The following TTC8 variants were observed in gnomAD, a reference collection of about 807,000 sequenced individuals.
TTC8 encodes tetratricopeptide repeat protein 8.
A neutral mutation model predicts 72.5 loss-of-function variants in TTC8; 47 were observed. The observed-to-expected ratio is 0.65, with a 90% CI of 0.51 to 0.83. The LOEUF (loss-of-function observed/expected upper bound fraction) is 0.83, where lower values mean the gene tolerates loss of function less well. Ranked by LOEUF, TTC8 falls within the 40% of genes least tolerant of loss-of-function variation. The pLI is 0.00. For missense variants in TTC8, 611 were observed against 623.2 expected, an observed-to-expected ratio of 0.98 and a Z score of 0.21; for synonymous variants, 199 against 221.4, an observed-to-expected ratio of 0.90 and a Z score of 0.90.
At chr14:88,854,374 T>C (rs1467475974) in intron 8 of TTC8, among the ~76,000 whole-genome samples, 2 of 152,236 alleles carry the variant, frequency 1.3e-5, no homozygotes, top group Non-Finnish European at 1.5e-5. Context: ...CTTTCACTTA[T>C]ACATTCATTC....
intron 10 of TTC8, among the ~76,000 whole-genome samples, chr14:88,861,983 G>T (rs988238354): frequency 2.0e-5 from 3 of 151,976 alleles, no homozygotes; most frequent in African/African-American, 7.3e-5. Flanking sequence ...CCTTTCTTTT[G>T]GGTATATATT....
At chr14:88,828,199 A>G (rs947843366) in intron 1 of TTC8, among the ~76,000 whole-genome samples, 1 of 70,158 alleles carries the variant, frequency 1.4e-5, no homozygotes, top group African/African-American at 4.5e-5. Context: ...TTAAAAATCA[A>G]TTTTTAAAAT....
intron 6 of TTC8, among the ~76,000 whole-genome samples, chr14:88,842,966 GA>G (rs1198741930): frequency 6.6e-6 from 1 of 151,174 alleles, no homozygotes; most frequent in Non-Finnish European, 1.5e-5. Flanking sequence ...TTTTTTTAAA[GA>G]AAGGCCTTGT....
intron 10 of TTC8, among the ~76,000 whole-genome samples, chr14:88,863,465 C>G (rs989881449): frequency 2.0e-5 from 3 of 152,176 alleles, no homozygotes; most frequent in African/African-American, 7.2e-5. Flanking sequence ...CAGGGAAGCT[C>G]ATTAGAGACT....
At chr14:88,824,996 G>A (rs1260162104) in intron 1 of TTC8, among the ~76,000 whole-genome samples, 175 bp downstream of exon 1, 1 of 152,164 alleles carries the variant, frequency 6.6e-6, no homozygotes, top group East Asian at 1.9e-4. Flanking sequence ...CGGGTCCGCT[G>A]TCCGCCACGT....
At chr14:88,867,468 C>T (rs1246196039) in intron 10 of TTC8, among the ~76,000 whole-genome samples, 2 of 152,084 alleles carry the variant, frequency 1.3e-5, no homozygotes, top group Non-Finnish European at 2.9e-5. Flanking sequence ...TTAAAATATG[C>T]ACACCCATAT....
intron 6 of TTC8, among the ~76,000 whole-genome samples, chr14:88,843,517 G>C (rs1252508502): frequency 6.6e-6 from 1 of 151,964 alleles, no homozygotes; most frequent in Non-Finnish European, 1.5e-5. Context: ...ATAAAGAATT[G>C]TCTGCATCTG....
chr14:88,877,518 C>A lies in TTC8; in HGVS notation c.*108C>A. 2 of 913,154 alleles carry A rather than the reference C, an allele frequency of 2.2e-6. No individual in the cohort carries two copies. Among genetic ancestry groups the A allele is most frequent in the South Asian group, 1.3e-5 (1 of 74,838 alleles). The allele number at this position is 913,154 out of a possible 1,614,324, so 56.6% of individuals were successfully genotyped here. On this transcript the variant is annotated 3_prime_UTR_variant, in exon 15 of 15. Transcript: ENST00000380656. ...AGTGTAATACGTATATTTTAACAAACCTGTCCTTGATATTAGTTAAGGTGA... is the reference window on the plus strand; with the variant it reads ...AGTGTAATACGTATATTTTAACAAAACTGTCCTTGATATTAGTTAAGGTGA...
At chr14:88,830,944 T>A (rs2094722744) in intron 1 of TTC8, 2 of 455,920 alleles carry the variant, frequency 4.4e-6, no homozygotes, top group Admixed American at 4.7e-5. Flanking sequence ...CGGTAGTCTG[T>A]GTTCCATCCT....
rs1359445926 is a variant in TTC8 at position 88,848,584 on chromosome 14, G to A, written c.625-4387G>A. ...ATGTTTAACAATAGGGAATGAGTTTGGTAAATTATAATAAATAGCATGATG... is the reference window on the plus strand; with the variant it reads ...ATGTTTAACAATAGGGAATGAGTTTAGTAAATTATAATAAATAGCATGATG... On this transcript the variant is annotated intron_variant, in intron 7 of 14. Coordinates refer to ENST00000380656, the MANE Select transcript of TTC8 (RefSeq NM_144596.4). 2.0e-5 allele frequency among the ~76,000 whole-genome samples: 3 copies of A among 152,094 alleles called. No individual in the cohort carries two copies. The East Asian group carries it at 5.8e-4, about 29-fold the overall frequency.
At chr14:88,858,754 A>ATTTTTTTTTT (rs138871136) in intron 9 of TTC8, among the ~76,000 whole-genome samples, 1 of 86,906 alleles carries the variant, frequency 1.2e-5, no homozygotes, top group African/African-American at 5.5e-5. Flanking sequence ...TGCCTGGATA[A>ATTTTTTTTTT]TTTTTTTTTT....
chr14:88,877,247 T>C, intron 14 of TTC8, 47 bp from the exon 15 acceptor site: 1 of 1,436,006 alleles, frequency 7.0e-7, no homozygotes, highest in South Asian at 1.1e-5. Context: ...TCCTTACTCA[T>C]TTTTTTCTGA....
At position 88,871,754 on chromosome 14, in the gene TTC8, A is replaced by C; in HGVS notation, c.1224+31A>C. On this transcript the variant is annotated intron_variant, in intron 12 of 14. Transcript: ENST00000380656. This position sits in a 1 kb window ranked among gnomAD's most constrained non-coding sequence, Gnocchi z 4.1. ...TTGTCTTACTGATATAATTTCTGTT[A>C]TAGAAAGTTGGTTTGAGCCAGACAC... 1 of 1,613,608 alleles carries C rather than the reference A, an allele frequency of 6.2e-7. No homozygotes were observed. The highest frequency in any genetic ancestry group is 8.5e-7 in the Non-Finnish European group (1 of 1,179,664).
intron 6 of TTC8, among the ~76,000 whole-genome samples, chr14:88,842,465 A>G (rs2140979755): frequency 6.6e-6 from 1 of 152,280 alleles, no homozygotes; most frequent in East Asian, 1.9e-4. Context: ...TGTTGACTTC[A>G]TTTAGTAAAA....
At chr14:88,842,831 G>A (rs1340251578) in intron 6 of TTC8, among the ~76,000 whole-genome samples, 3 of 152,140 alleles carry the variant, frequency 2.0e-5, no homozygotes, top group Admixed American at 6.6e-5. Context: ...GGTGTCTAGG[G>A]TGACTCTATG....
intron 10 of TTC8, among the ~76,000 whole-genome samples, chr14:88,862,755 T>G (rs1356793483): frequency 6.7e-6 from 1 of 149,154 alleles, no homozygotes; most frequent in Admixed American, 6.7e-5. Flanking sequence ...TAATTTTTTT[T>G]ACTTTTTGCA....
chr14:88,841,600 G>A (rs1370730083), intron 6 of TTC8, 86 bp downstream of exon 6: 2 of 1,126,170 alleles, frequency 1.8e-6, no homozygotes, highest in Non-Finnish European at 2.7e-6. Context: ...AAAAACTTGT[G>A]AAGGAAAGGC....
chr14:88,839,004 A>T (rs1167581629), intron 2 of TTC8, among the ~76,000 whole-genome samples: 3 of 152,242 alleles, frequency 2.0e-5, no homozygotes, highest in Non-Finnish European at 4.4e-5. Flanking sequence ...AGGCATAAAG[A>T]GAAGTCTCTG....
chr14:88,858,695 G>A (rs1210209891), intron 9 of TTC8, among the ~76,000 whole-genome samples: 2 of 151,184 alleles, frequency 1.3e-5, no homozygotes, highest in African/African-American at 4.9e-5. Context: ...CCAGGCTCAG[G>A]CGATCCTCTC....
Sources: allele counts gnomAD v4.1 joint callset (sites outside exome capture counted in the v4.1 genomes callset), GRCh38; gene constraint gnomAD v4.1.1; non-coding constraint Gnocchi (gnomAD v3.1); transcripts MANE v1.5; gene names NCBI Gene and HGNC (gene_info 2026-07-23, HGNC 2026-07-21).